The following AGAP6 variants were observed in gnomAD, a reference collection of about 807,000 sequenced individuals.
AGAP6 encodes arf-GAP with GTPase, ANK repeat and PH domain-containing protein 6.
AGAP6 carries 29 observed loss-of-function variants against 63.9 expected under a neutral mutation model. That is an observed-to-expected ratio of 0.45 (90% CI 0.34 to 0.62). The LOEUF (loss-of-function observed/expected upper bound fraction) is 0.62, where lower values mean the gene tolerates loss of function less well. AGAP6 is among the 20% of genes least tolerant of loss of function. The pLI is 0.01. For synonymous variants in AGAP6, 199 were observed against 332.9 expected (o/e 0.60, Z 4.38); for missense variants, 493 against 884.9 (o/e 0.56, Z 5.62).
At chr10:49,989,234 G>T (rs1306517766) in intron 1 of AGAP6, 74 bp from the exon 2 acceptor site, 1 of 1,585,286 alleles carries the variant, frequency 6.3e-7, no homozygotes, top group East Asian at 2.2e-5. Flanking sequence ...CGAATAAGCA[G>T]CAGTTGAATA....
chr10:49,998,469 G>T (rs1259988290), intron 4 of AGAP6, among the ~76,000 whole-genome samples: 1 of 85,652 alleles, frequency 1.2e-5, no homozygotes, highest in Non-Finnish European at 2.2e-5. Flanking sequence ...TGTTGAATAG[G>T]GTTTACTTTC....
intron 4 of AGAP6, among the ~76,000 whole-genome samples, chr10:49,997,042 A>G (rs559683151): frequency 2.6e-4 from 39 of 147,592 alleles, no homozygotes; most frequent in African/African-American, 8.1e-4. Context: ...TATTATATTT[A>G]ATCCAAATTT....
At chr10:50,005,543 G>A (rs1284444024) in intron 6 of AGAP6, among the ~76,000 whole-genome samples, 9 of 150,688 alleles carry the variant, frequency 6.0e-5, no homozygotes, top group Admixed American at 6.7e-5. Context: ...CTTGGGAGGC[G>A]GAGGTTGCAG....
At position 50,009,068 on chromosome 10, in the gene AGAP6, T is replaced by G; in HGVS notation, c.943T>G (p.Tyr315Asp). 1 of 1,613,652 alleles carries G rather than the reference T, an allele frequency of 6.2e-7. No homozygotes were observed. Residue 315 changes from tyrosine to aspartate, a missense_variant, in exon 8 of 8, where the codon TAT (tyrosine) becomes GAT (aspartate). Tyr to Asp is a radical substitution (Grantham distance 160). Coordinates refer to ENST00000412531, the MANE Select transcript of AGAP6 (RefSeq NM_001077665.3). ...VTLCSNGMLT[Y>D]YSSLGDYMKN... ...CCTGTGTTCCAATGGCATGCTCACC[T>G]ATTATTCAAGCTTAGGTGATTATAT... is the stretch of plus-strand genomic sequence containing the variant.
Position 50,009,297 on chromosome 10 carries a change from C to A in AGAP6, c.1172C>A (p.Pro391Gln). Residue 391 changes from proline to glutamine, a missense_variant, in exon 8 of 8, where the codon CCG (proline) becomes CAG (glutamine). Pro to Gln is a moderately conservative substitution (Grantham distance 76). Coordinates refer to ENST00000412531, the MANE Select transcript of AGAP6 (RefSeq NM_001077665.3). ...ISSTTSPKLNPPPSPHANKKK... is the reference protein window; with the variant it reads ...ISSTTSPKLNQPPSPHANKKK... ...AGCACCACCAGCCCCAAGCTCAACC[C>A]GCCCCCCTCTCCTCATGCTAATAAA... 6.2e-7 allele frequency: 1 copy of A among 1,614,080 alleles called. No individual in the cohort carries two copies. The highest frequency in any genetic ancestry group is 8.5e-7 in the Non-Finnish European group (1 of 1,180,038).
chr10:49,990,802 G>A (rs1380057295), intron 2 of AGAP6, among the ~76,000 whole-genome samples: 5 of 152,162 alleles, frequency 3.3e-5, no homozygotes, highest in South Asian at 2.1e-4. Flanking sequence ...CTCATTATGA[G>A]TGTGACTTTG....
chr10:49,988,760 C>G lies in AGAP6; in HGVS notation c.45C>G (p.Leu15=), dbSNP rs782166423. The G allele has an allele frequency of 4.4e-6, 7 of 1,589,102 alleles. No individual in the cohort carries two copies. In the East Asian group the frequency reaches 1.6e-4, roughly 35 times the overall value. ...LTCRVHPSVS[L]EFDQQQGSVC... ...GTCGTGTGCACCCTAGCGTCAGCCT[C>G]GAGTTTGACCAGCAGCAGGGGTCGG... The change falls in exon 1 of 8, where the codon CTC becomes CTG. Residue 15 remains leucine (L), a synonymous_variant. Coordinates refer to ENST00000412531, the MANE Select transcript of AGAP6 (RefSeq NM_001077665.3).
chr10:50,009,679 T>C lies in AGAP6; in HGVS notation c.1554T>C (p.Ser518=), dbSNP rs782797026. Residue 518 remains serine, a synonymous_variant, in exon 8 of 8, where the codon TCT becomes TCC. Coordinates refer to ENST00000412531, the MANE Select transcript of AGAP6 (RefSeq NM_001077665.3). ...GCCCCCACCTTTCCCGTGTGCGATC[T>C]CTGGAGCTGGATGACTGGCCAGTTG... ...SLGPHLSRVR[S]LELDDWPVEL... The C allele has an allele frequency of 9.0e-5, 145 of 1,614,114 alleles. 1 individual carries two copies. The highest frequency in any genetic ancestry group is 9.8e-5 in the Non-Finnish European group (116 of 1,180,052).
At chr10:49,990,604 A>G (rs1157956197) in intron 2 of AGAP6, among the ~76,000 whole-genome samples, 4 of 152,240 alleles carry the variant, frequency 2.6e-5, no homozygotes, top group Non-Finnish European at 4.4e-5. Context: ...GGGTAATAAT[A>G]TGGTTCTTGA....
chr10:50,006,426 A>C (rs1841915965), intron 6 of AGAP6, among the ~76,000 whole-genome samples: 1 of 152,106 alleles, frequency 6.6e-6, no homozygotes. Context: ...TTTTAGACCG[A>C]GTTTCACTCT....
At position 50,009,634 on chromosome 10, in the gene AGAP6, A is replaced by T. The variant is rs1476815852; in HGVS notation, c.1509A>T (p.Ser503=). The change falls in exon 8 of 8, where the codon TCA becomes TCT. Residue 503 remains serine, a synonymous_variant. Coordinates refer to ENST00000412531, the MANE Select transcript of AGAP6 (RefSeq NM_001077665.3). ...GAGTCCTCATGTGTATTGAATGCTC[A>T]GGTATCCACCGCAGTCTTGGCCCCC... The part of the protein sequence containing the change: ...NLGVLMCIEC[S]GIHRSLGPHL... 6.2e-7 allele frequency: 1 copy of T among 1,613,018 alleles called. No individual in the cohort carries two copies. The highest frequency in any genetic ancestry group is 8.5e-7 in the Non-Finnish European group (1 of 1,179,224).
chr10:50,001,307 G>T (rs1227513083), intron 4 of AGAP6, among the ~76,000 whole-genome samples: 1 of 150,594 alleles, frequency 6.6e-6, no homozygotes, highest in East Asian at 2.0e-4. Context: ...TCCAGCCTGG[G>T]CGACAGAGCG....
At chr10:49,996,689 G>C (rs1841501386) in intron 4 of AGAP6, among the ~76,000 whole-genome samples, 1 of 149,600 alleles carries the variant, frequency 6.7e-6, no homozygotes, top group Non-Finnish European at 1.5e-5. Flanking sequence ...TCAGATGGAA[G>C]GACAGGTGGA....
chr10:49,993,246 T>C (rs1841351830), intron 3 of AGAP6, among the ~76,000 whole-genome samples: 1 of 152,090 alleles, frequency 6.6e-6, no homozygotes. Context: ...CATATCAGAA[T>C]TGTATTTCCC....
chr10:49,994,822 C>T (rs1371356499), intron 4 of AGAP6, among the ~76,000 whole-genome samples: 5 of 151,808 alleles, frequency 3.3e-5, no homozygotes, highest in Admixed American at 2.0e-4. Context: ...AGTAGCCGGG[C>T]GTGGTGGTGC....
At chr10:49,989,099 AC>A (rs1196515564) in intron 1 of AGAP6, among the ~76,000 whole-genome samples, 161 bp downstream of exon 1, 2 of 146,800 alleles carry the variant, frequency 1.4e-5, no homozygotes, top group Non-Finnish European at 3.0e-5. Flanking sequence ...TTGAATTCCC[AC>A]CCCTTAGTCT....
rs568125942 is a variant in AGAP6, at chr10:49,990,086, C to T, written c.292+710C>T. 5.9e-5 allele frequency among the ~76,000 whole-genome samples: 9 copies of T among 152,214 alleles called. No homozygotes were observed. The South Asian group carries it at 1.2e-3, about 21-fold the overall frequency. On this transcript the variant is annotated intron_variant, in intron 2 of 7. Transcript: ENST00000412531. ...CCTTCCCTGTAAGAGTGTTTGTTGC[C>T]GTGGCTCCCCGTTTGTCCCTTCCCC...
At chr10:50,005,269 A>T (rs61848272) in intron 6 of AGAP6, among the ~76,000 whole-genome samples, 29,212 of 152,272 alleles carry the variant, frequency 0.19, 3,330 homozygotes, top group Non-Finnish European at 0.27. Context: ...GTTGAGCTTA[A>T]TAGGAGACAA....
Position 49,988,903 on chromosome 10 carries a change from A to G in AGAP6, c.188A>G (p.His63Arg), listed in dbSNP as rs782208559. 2.5e-6 allele frequency: 4 copies of G among 1,599,530 alleles called. No homozygotes were observed. The African/African-American group carries it at 5.4e-5, about 22-fold the overall frequency. The change falls in exon 1 of 8, where the codon CAC (histidine) becomes CGC (arginine). Residue 63 changes from histidine (H) to arginine (R), a missense_variant. Transcript: ENST00000412531. Reference sequence around the variant, plus strand: ...ACTGTTGAAGTTGGTGAGGACCTCCACATGCACCACGTTCGTGACCGGGAG... The same window carrying G: ...ACTGTTGAAGTTGGTGAGGACCTCCGCATGCACCACGTTCGTGACCGGGAG... ...EVTVEVGEDLHMHHVRDREMP... is the reference protein window; with the variant it reads ...EVTVEVGEDLRMHHVRDREMP...
Sources: gnomAD v4.1 joint callset for allele counts (sites outside exome capture counted in the v4.1 genomes callset) on GRCh38, gnomAD v4.1.1 for gene constraint, MANE v1.5 for transcripts, NCBI Gene and HGNC (gene_info 2026-07-23, HGNC 2026-07-21) for gene names.